The following CLCN7 variants were observed in gnomAD, a reference collection of about 807,000 sequenced individuals.
CLCN7 encodes the protein H(+)/Cl(-) exchange transporter 7.
Under a neutral mutation model 102.1 loss-of-function variants are expected in CLCN7, and 60 were observed. The observed-to-expected ratio is 0.59, with a 90% CI of 0.48 to 0.73. The LOEUF (loss-of-function observed/expected upper bound fraction) is 0.73. Ranked by LOEUF, CLCN7 falls within the 30% of genes least tolerant of loss-of-function variation. The pLI, the probability that CLCN7 is intolerant of heterozygous loss-of-function variation, is 0.00. For missense variants in CLCN7, 962 were observed against 1,125.7 expected (o/e 0.85, Z 2.08); for synonymous variants, 560 against 490.5 (o/e 1.14, Z -1.87).
chr16:1,462,432 G>C (rs1034347154), intron 2 of CLCN7, among the ~76,000 whole-genome samples: 4 of 134,044 alleles, frequency 3.0e-5, no homozygotes, highest in Admixed American at 8.5e-5. Context: ...CTAGAGTGCA[G>C]TGACGCGATC....
intron 2 of CLCN7, among the ~76,000 whole-genome samples, chr16:1,462,677 A>AAAAAAAAAAAAAAC (rs1567273396): frequency 1.4e-5 from 2 of 146,844 alleles, no homozygotes; most frequent in Non-Finnish European, 3.0e-5. Context: ...AAAAAAAAAA[A>AAAAAAAAAAAAAAC]AAAAAAAAAA....
chr16:1,455,367 C>A lies in CLCN7; in HGVS notation c.982-117G>T, dbSNP rs2038818700. On this transcript the variant is annotated intron_variant, in intron 11 of 24. Coordinates refer to ENST00000382745, the MANE Select transcript of CLCN7 (RefSeq NM_001287.6). ...CCCCGGGGCCAGGAGTCTGCAGACCCCGCCCAAGGCAGAAGGGAAGGGGCT... is the reference window on the plus strand; with the variant it reads ...CCCCGGGGCCAGGAGTCTGCAGACCACGCCCAAGGCAGAAGGGAAGGGGCT... 7.5e-6 allele frequency: 6 copies of A among 799,812 alleles called. No individual in the cohort carries two copies. The South Asian group carries it at 8.1e-5, about 11-fold the overall frequency. The allele number at this position is 799,812 out of a possible 1,614,324, so 49.5% of individuals were successfully genotyped here.
chr16:1,458,287 C>T (rs375673300), intron 7 of CLCN7, among the ~76,000 whole-genome samples: 1 of 152,246 alleles, frequency 6.6e-6, no homozygotes, highest in African/African-American at 2.4e-5. Context: ...CCCACAAGGG[C>T]GCAGACCCTA....
intron 24 of CLCN7, 45 bp from the exon 25 acceptor site, chr16:1,446,762 G>A (rs545146891): frequency 2.9e-5 from 43 of 1,490,502 alleles, no homozygotes; most frequent in East Asian, 2.2e-4. Flanking sequence ...GTCGGCTCCC[G>A]CCTGCCTGTG....
In CLCN7 at chr16:1,446,103, T is replaced by G. The variant is rs2038634941; in HGVS notation, c.*528A>C. On this transcript the variant is annotated 3_prime_UTR_variant, in exon 25 of 25. Transcript: ENST00000382745. ...CGGGGCGGTCGCAGCCTCCAAACCC[T>G]GGTGCTACGAGTCCGTGCCTCAGGC... is the stretch of plus-strand genomic sequence containing the variant. The G allele has an allele frequency of 8.4e-6, 5 of 596,310 alleles. No homozygotes were observed. The Admixed American group carries it at 1.5e-4, about 18-fold the overall frequency. 36.9% of individuals were successfully genotyped at this position (596,310 alleles called of 1,614,324 possible).
At chr16:1,474,637 G>C (rs920024871) in intron 1 of CLCN7, among the ~76,000 whole-genome samples, 197 bp downstream of exon 1, 1 of 152,028 alleles carries the variant, frequency 6.6e-6, no homozygotes, top group African/African-American at 2.4e-5. Context: ...GCCCGGCGCG[G>C]CCTCCGAAGA....
Position 1,457,526 on chromosome 16 carries a change from ACGCGGCCCTT to A in CLCN7, c.738+158_738+167del. The stretch of plus-strand genomic sequence containing the variant: ...GGACCGGTGCTCAGAGACACGCGTG[ACGCGGCCCTT>A]CCTGGAGACCAGAAGGACCGGTGCT... On this transcript the variant is annotated intron_variant, in intron 8 of 24. Coordinates refer to ENST00000382745, the MANE Select transcript of CLCN7 (RefSeq NM_001287.6). The surrounding 1 kb of genome is among the most constrained non-coding windows in gnomAD (Gnocchi z 5.4). 1.6e-6 allele frequency: 1 copy of A among 642,562 alleles called. No homozygotes were observed. The highest frequency in any genetic ancestry group is 2.8e-6 in the Non-Finnish European group (1 of 350,944). 39.8% of individuals were successfully genotyped at this position (642,562 alleles called of 1,614,324 possible). A position where few individuals can be genotyped will look rare whatever the true frequency, so the allele number is the denominator to read the frequency against.
In CLCN7 at chr16:1,474,922, T is replaced by C; in HGVS notation, c.53A>G (p.Glu18Gly). ...CCTCCGCAGCAGCGGCGCCGCCTCC[T>C]CGTCGTCCCGGTCCCGGCCGGACCA... The part of the protein sequence containing the change: ...VSWSGRDRDD[E>G]EAAPLLRRTA... Residue 18 changes from glutamate to glycine, a missense_variant, in exon 1 of 25, where the codon GAG becomes GGG. Coordinates refer to ENST00000382745, the MANE Select transcript of CLCN7 (RefSeq NM_001287.6). 1 of 1,475,072 alleles carries C rather than the reference T, an allele frequency of 6.8e-7. No individual in the cohort carries two copies. Among genetic ancestry groups the C allele is most frequent in the African/African-American group, 1.5e-5 (1 of 68,294 alleles). 91.4% of individuals were successfully genotyped at this position (1,475,072 alleles called of 1,614,324 possible).
At position 1,446,482 on chromosome 16, in the gene CLCN7, GCGCCTGC is replaced by G. The variant is rs1567262606; in HGVS notation, c.*142_*148del. 2 of 758,492 alleles carry G rather than the reference GCGCCTGC, an allele frequency of 2.6e-6. No individual in the cohort carries two copies. Among genetic ancestry groups the G allele is most frequent in the East Asian group, 5.3e-5 (2 of 37,498 alleles). The allele number at this position is 758,492 out of a possible 1,614,324, so 47.0% of individuals were successfully genotyped here. Reference sequence around the variant, plus strand: ...TCAGTCCCGCGAGAGGGTCAGTTCCGCGCCTGCCGCCTGCCCGCCCAGCTGCAGGGTG... The same window carrying G: ...TCAGTCCCGCGAGAGGGTCAGTTCCGCGCCTGCCCGCCCAGCTGCAGGGTG... On this transcript the variant is annotated 3_prime_UTR_variant, in exon 25 of 25. Transcript: ENST00000382745.
intron 1 of CLCN7, among the ~76,000 whole-genome samples, chr16:1,472,336 T>G (rs2039089771): frequency 6.6e-6 from 1 of 152,176 alleles, no homozygotes; most frequent in Non-Finnish European, 1.5e-5. Flanking sequence ...GTTCAAGCGA[T>G]TCTCCTGCCT....
At chr16:1,468,275 C>A (rs2039031691) in intron 1 of CLCN7, among the ~76,000 whole-genome samples, 1 of 152,148 alleles carries the variant, frequency 6.6e-6, no homozygotes, top group African/African-American at 2.4e-5. Context: ...AGCGGGCCAC[C>A]CCCACCGCCG....
chr16:1,460,983 G>A, intron 4 of CLCN7, 35 bp from the exon 5 acceptor site: 2 of 1,607,458 alleles, frequency 1.2e-6, no homozygotes, highest in Non-Finnish European at 1.7e-6. Flanking sequence ...GTCAGGCAGG[G>A]CCCTGGCGCA....
rs745367578 is a variant in CLCN7, at chr16:1,447,744, G to C, written c.2014-30C>G. On this transcript the variant is annotated intron_variant, in intron 21 of 24. Transcript: ENST00000382745. ...AAGACAGGCCCGCGGTCAGGGCCAC[G>C]GGCCCGAGGGTGGGAGGCTGCGCTG... The C allele has an allele frequency of 3.9e-6, 6 of 1,548,018 alleles. No homozygotes were observed. In the Admixed American group the frequency reaches 1.2e-4, roughly 30 times the overall value.
chr16:1,451,128 G>A lies in CLCN7; in HGVS notation c.1448-462C>T, dbSNP rs985102105. Among the ~76,000 whole-genome samples the A allele has an allele frequency of 3.9e-5, 6 of 152,376 alleles. No homozygotes were observed. In the South Asian group the frequency reaches 1.0e-3, roughly 26 times the overall value. ...CAGAGGTGAAAGGCCGGCACTCCAA[G>A]GTCGCGGTCTGCGCTTCCGTGAAAC... On this transcript the variant is annotated intron_variant, in intron 16 of 24. Transcript: ENST00000382745.
At chr16:1,474,373 A>T in intron 1 of CLCN7, 1 of 352,358 alleles carries the variant, frequency 2.8e-6, no homozygotes. Context: ...ACTGAAAGAC[A>T]GTGACCCGGC....
intron 12 of CLCN7, among the ~76,000 whole-genome samples, 175 bp from the exon 13 acceptor site, chr16:1,454,640 G>T (rs2038805537): frequency 6.6e-6 from 1 of 152,212 alleles, no homozygotes; most frequent in Non-Finnish European, 1.5e-5. Context: ...TTCTGAGCAG[G>T]CCTGGCCCCT....
At chr16:1,465,131 C>G in intron 2 of CLCN7, 136 bp downstream of exon 2, 1 of 765,450 alleles carries the variant, frequency 1.3e-6, no homozygotes, top group South Asian at 1.5e-5. Context: ...GGACCATGTC[C>G]CCCCAAGGAA....
chr16:1,464,808 C>G (rs558646099), intron 2 of CLCN7, among the ~76,000 whole-genome samples: 5 of 152,334 alleles, frequency 3.3e-5, no homozygotes, highest in African/African-American at 9.6e-5. Context: ...GGGGAAAAAC[C>G]GAGGCCGGCG....
At position 1,451,789 on chromosome 16, in the gene CLCN7, G is replaced by A. The variant is rs542368545; in HGVS notation, c.1354-73C>T. 13 of 1,159,088 alleles carry A rather than the reference G, an allele frequency of 1.1e-5. No homozygotes were observed. In the East Asian group the frequency reaches 1.3e-4, roughly 11 times the overall value. 71.8% of individuals were successfully genotyped at this position (1,159,088 alleles called of 1,614,324 possible). A position where few individuals can be genotyped will look rare whatever the true frequency, so the allele number is the denominator to read the frequency against. ...GGGCTGCAGGCACAAACCTGGTGTC[G>A]CCGTGAGAGGCCGTGTACCCTGTGC... is the stretch of plus-strand genomic sequence containing the variant. On this transcript the variant is annotated intron_variant, in intron 15 of 24. Transcript: ENST00000382745.
Sources: allele counts gnomAD v4.1 joint callset (sites outside exome capture counted in the v4.1 genomes callset), GRCh38; gene constraint gnomAD v4.1.1; non-coding constraint Gnocchi (gnomAD v3.1); transcripts MANE v1.5; gene names NCBI Gene and HGNC (gene_info 2026-07-23, HGNC 2026-07-21).